PCNX2: variants seen among roughly 807,000 people sequenced by gnomAD.
PCNX2 encodes pecanex-like protein 2.
A neutral mutation model predicts 223.8 loss-of-function variants in PCNX2; 168 were observed. The ratio of observed to expected loss-of-function variants is 0.75; its 90% CI spans 0.66 to 0.85. PCNX2 has a LOEUF of 0.85. Among genes scored for constraint, PCNX2 ranks in the 40% least tolerant of loss-of-function variants. PCNX2 has a pLI of 0.00. For missense variants in PCNX2, 2,507 were observed against 2,675.5 expected (o/e 0.94, Z 1.39); for synonymous variants, 1,006 against 1,052.6 (o/e 0.96, Z 0.86).
chr1:233,189,236 A>T (rs1680283973), intron 15 of PCNX2, among the ~76,000 whole-genome samples: 1 of 152,226 alleles, frequency 6.6e-6, no homozygotes, highest in Non-Finnish European at 1.5e-5. Context: ...GAAAACAGGA[A>T]TGTTGATATC....
Position 233,295,424 on chromosome 1 carries a change from C to G in PCNX2, c.55G>C (p.Gly19Arg), listed in dbSNP as rs1262205278. Residue 19 changes from glycine (G) to arginine (R), a missense_variant, in exon 1 of 34, where the codon GGG (glycine) becomes CGG (arginine). Transcript: ENST00000258229. The surrounding 1 kb of genome is among the most constrained non-coding windows in gnomAD (Gnocchi z 4.1). ...TGCTCCGGGTCGTGGTACCAGCCCC[C>G]GGTGAGCGCGGCCCACACGCCCTGC... ...LRQGVWAALT[G>R]GWYHDPEQSK... 1.9e-6 allele frequency: 3 copies of G among 1,551,934 alleles called. No individual in the cohort carries two copies. Among genetic ancestry groups the G allele is most frequent in the Non-Finnish European group, 2.6e-6 (3 of 1,147,276 alleles).
At chr1:233,217,271 G>T (rs961526768) in intron 12 of PCNX2, among the ~76,000 whole-genome samples, 28 of 152,040 alleles carry the variant, frequency 1.8e-4, no homozygotes, top group African/African-American at 6.0e-4. Flanking sequence ...CAAACAGCTT[G>T]ATTTAATAAT....
At chr1:232,994,488 G>A (rs1669808481) in intron 32 of PCNX2, among the ~76,000 whole-genome samples, 1 of 152,224 alleles carries the variant, frequency 6.6e-6, no homozygotes, top group Non-Finnish European at 1.5e-5. Context: ...AGGCTCATAG[G>A]TGGAAGGGTC....
At chr1:233,053,290 T>A (rs1341770668) in intron 25 of PCNX2, among the ~76,000 whole-genome samples, 2 of 152,022 alleles carry the variant, frequency 1.3e-5, no homozygotes, top group African/African-American at 4.8e-5. Flanking sequence ...AGATGCCGCC[T>A]GACTCATGCA....
intron 21 of PCNX2, among the ~76,000 whole-genome samples, chr1:233,133,685 A>G (rs1676639270): frequency 1.4e-5 from 2 of 140,592 alleles, no homozygotes; most frequent in Admixed American, 1.6e-4. Flanking sequence ...GCAAGACCCT[A>G]TCTTTACAAA....
At chr1:233,321,013 C>CTTTTTTTT in the PCNX2 span, among the ~76,000 whole-genome samples, 32 of 70,354 alleles carry the variant, frequency 4.5e-4, no homozygotes, top group African/African-American at 5.3e-4. Flanking sequence ...AAAATGTCTT[C>CTTTTTTTT]TTTTTTTTTT....
intron 1 of PCNX2, among the ~76,000 whole-genome samples, chr1:233,287,983 T>C (rs775055800): frequency 3.9e-5 from 6 of 152,260 alleles, no homozygotes; most frequent in Admixed American, 1.3e-4. Flanking sequence ...ATTCCAATAA[T>C]AGTAACATAA....
rs200242011 is a variant in PCNX2 at position 233,258,733 on chromosome 1, C to T, written c.1129G>A (p.Val377Ile). 696 of 1,613,922 alleles carry T rather than the reference C, an allele frequency of 4.3e-4. 4 individuals carry two copies. The highest frequency in any genetic ancestry group is 2.6e-3 in the South Asian group (241 of 91,076). Reference sequence around the variant, plus strand: ...TTTGGGGTACTGCTCATCGTGATAACAATTTTTATGGGCTCATGTAGACTC... The same window carrying T: ...TTTGGGGTACTGCTCATCGTGATAATAATTTTTATGGGCTCATGTAGACTC... ...PLSLHEPIKI[V>I]ITMSSTPNSM... Residue 377 changes from valine to isoleucine, a missense_variant, in exon 5 of 34, where the codon GTT becomes ATT. By Grantham distance (29) the Val-to-Ile change is conservative (BLOSUM62 3). This residue lies in a region of PCNX2 where 1,031 missense variants were observed against 1,021.7 expected (regional missense o/e 1.01). Transcript: ENST00000258229.
chr1:233,104,106 T>C (rs907729935), intron 21 of PCNX2, among the ~76,000 whole-genome samples: 4 of 151,900 alleles, frequency 2.6e-5, no homozygotes, highest in African/African-American at 7.3e-5. Flanking sequence ...GTTCAATAGA[T>C]GGTAAGAAAG....
the PCNX2 span, among the ~76,000 whole-genome samples, chr1:233,327,216 C>G: frequency 6.6e-6 from 1 of 152,160 alleles, no homozygotes; most frequent in Non-Finnish European, 1.5e-5. Context: ...AGCGTCCCCT[C>G]CCTCAGTCTT....
chr1:233,104,048 C>T (rs917617810), intron 21 of PCNX2, among the ~76,000 whole-genome samples: 3 of 151,838 alleles, frequency 2.0e-5, no homozygotes, highest in Non-Finnish European at 4.4e-5. Flanking sequence ...ACACAGTATT[C>T]AATTTTCAAA....
At chr1:233,163,212 G>A (rs976719841) in intron 17 of PCNX2, among the ~76,000 whole-genome samples, 1 of 152,058 alleles carries the variant, frequency 6.6e-6, no homozygotes, top group Non-Finnish European at 1.5e-5. Context: ...TAGGCCGGGC[G>A]CTGTGGCTCA....
intron 1 of PCNX2, among the ~76,000 whole-genome samples, chr1:233,277,040 TAACTC>T (rs1270059660): frequency 6.6e-6 from 1 of 152,230 alleles, no homozygotes; most frequent in Non-Finnish European, 1.5e-5. Flanking sequence ...GAACTGGAGT[TAACTC>T]AGAAAGGTGA....
At chr1:233,217,850 T>C in intron 12 of PCNX2, 49 bp downstream of exon 12, 3 of 1,611,516 alleles carry the variant, frequency 1.9e-6, no homozygotes, top group South Asian at 1.1e-5. Flanking sequence ...TTCCCTGTCT[T>C]CAACACAGAC....
intron 21 of PCNX2, among the ~76,000 whole-genome samples, chr1:233,130,336 A>T (rs1451087173): frequency 6.6e-6 from 1 of 152,028 alleles, no homozygotes; most frequent in Admixed American, 6.5e-5. Flanking sequence ...ACACCCACGT[A>T]TCCACACACA....
chr1:233,033,368 T>G (rs1671335837), intron 25 of PCNX2, among the ~76,000 whole-genome samples: 1 of 152,246 alleles, frequency 6.6e-6, no homozygotes, highest in African/African-American at 2.4e-5. Context: ...TCAAGGGTCC[T>G]AATTGCATTC....
At chr1:233,142,832 A>G (rs1677209026) in intron 19 of PCNX2, among the ~76,000 whole-genome samples, 1 of 151,462 alleles carries the variant, frequency 6.6e-6, no homozygotes, top group Non-Finnish European at 1.5e-5. Context: ...TTGAAAACTC[A>G]CTCTGCCCTT....
intron 25 of PCNX2, among the ~76,000 whole-genome samples, chr1:233,029,355 G>T (rs1329004766): frequency 6.6e-6 from 1 of 151,828 alleles, no homozygotes; most frequent in Non-Finnish European, 1.5e-5. Context: ...TTGTATTATT[G>T]TTGTCAAACG....
intron 21 of PCNX2, among the ~76,000 whole-genome samples, chr1:233,103,890 A>C (rs901851251): frequency 2.0e-5 from 3 of 152,144 alleles, no homozygotes; most frequent in Non-Finnish European, 4.4e-5. Context: ...ACTAATTAAC[A>C]TTCCCACCAA....
Sources: gnomAD v4.1 joint callset for allele counts (sites outside exome capture counted in the v4.1 genomes callset) on GRCh38, gnomAD v4.1.1 for gene constraint, gnomAD v4.1.1 regional missense constraint, Gnocchi (gnomAD v3.1) non-coding constraint, MANE v1.5 for transcripts, NCBI Gene and HGNC (gene_info 2026-07-23, HGNC 2026-07-21) for gene names.